Variants in CHST9 observed in about 807,000 individuals in gnomAD.
CHST9 encodes GalNAc-4-sulfotransferase 2.
CHST9 carries 41 observed loss-of-function variants against 44.4 expected under a neutral mutation model. The observed-to-expected ratio is 0.92, with a 90% confidence interval of 0.72 to 1.20. The LOEUF (loss-of-function observed/expected upper bound fraction) is 1.20. CHST9 is among the 50% of genes most tolerant of loss of function. The pLI, the probability that CHST9 is intolerant of heterozygous loss-of-function variation, is 0.00. For synonymous variants in CHST9, 171 were observed against 178.4 expected (o/e 0.96, Z 0.33); for missense variants, 504 against 516.5 (o/e 0.98, Z 0.23).
At chr18:26,954,610 A>T (rs1039303866) in intron 4 of CHST9, among the ~76,000 whole-genome samples, 28 of 152,040 alleles carry the variant, frequency 1.8e-4, no homozygotes, top group African/African-American at 6.5e-4. Context: ...TCTTTTGCAC[A>T]TGCTGTTATC....
At chr18:26,984,839 T>C (rs1485976056) in intron 4 of CHST9, among the ~76,000 whole-genome samples, 1 of 151,762 alleles carries the variant, frequency 6.6e-6, no homozygotes, top group East Asian at 1.9e-4. Context: ...GATGAAAAAG[T>C]GAACAATGCC....
chr18:27,169,694 C>G (rs569848396), intron 1 of CHST9, among the ~76,000 whole-genome samples: 1 of 150,260 alleles, frequency 6.7e-6, no homozygotes, highest in South Asian at 2.1e-4. Flanking sequence ...GCAAGCTCCG[C>G]CTCCCAGGTT....
chr18:27,074,819 A>G (rs1400550518), intron 2 of CHST9, among the ~76,000 whole-genome samples: 1 of 147,288 alleles, frequency 6.8e-6, no homozygotes, highest in African/African-American at 2.5e-5. Context: ...ACTTATATAT[A>G]ATTATAAAAT....
intron 4 of CHST9, among the ~76,000 whole-genome samples, chr18:26,972,595 G>T (rs920715626): frequency 2.0e-5 from 3 of 152,056 alleles, no homozygotes; most frequent in Non-Finnish European, 2.9e-5. Flanking sequence ...GAGGCCTTGG[G>T]GATTCCACCT....
intron 5 of CHST9, among the ~76,000 whole-genome samples, chr18:26,925,630 T>C (rs914202721): frequency 3.2e-4 from 49 of 152,352 alleles, no homozygotes; most frequent in African/African-American, 1.2e-3. Flanking sequence ...TGGTTATGTG[T>C]CTTCTTCTAT....
At position 27,041,038 on chromosome 18, in the gene CHST9, G is replaced by A. The variant is rs556801010; in HGVS notation, c.160+7427C>T. ...CATGTCACATAAGAGTGTAGTTACT[G>A]TCATTATTATATTGACTGATACAGA... On this transcript the variant is annotated intron_variant, in intron 3 of 5. Transcript: ENST00000618847. Among the ~76,000 whole-genome samples the A allele has an allele frequency of 4.6e-5, 7 of 152,170 alleles. No individual in the cohort carries two copies. The East Asian group carries it at 1.4e-3, about 29-fold the overall frequency.
chr18:27,145,003 A>C (rs1352094850), intron 1 of CHST9, among the ~76,000 whole-genome samples: 1 of 152,118 alleles, frequency 6.6e-6, no homozygotes, highest in Non-Finnish European at 1.5e-5. Flanking sequence ...TACAAAATAA[A>C]AAACCAGTTC....
intron 2 of CHST9, among the ~76,000 whole-genome samples, chr18:27,130,702 G>C (rs1011598682): frequency 6.6e-6 from 1 of 152,126 alleles, no homozygotes; most frequent in African/African-American, 2.4e-5. Context: ...ACTTTAATGT[G>C]CATCAGTTGG....
intron 4 of CHST9, among the ~76,000 whole-genome samples, chr18:27,019,277 A>G (rs2057191916): frequency 6.6e-6 from 1 of 152,218 alleles, no homozygotes; most frequent in African/African-American, 2.4e-5. Context: ...CTCTAGCTTT[A>G]AAATCACACG....
intron 2 of CHST9, among the ~76,000 whole-genome samples, chr18:27,088,041 G>A (rs1262965176): frequency 6.6e-6 from 1 of 152,140 alleles, no homozygotes; most frequent in Non-Finnish European, 1.5e-5. Context: ...ACCTATTTGT[G>A]TTCTGTAAGT....
At chr18:27,175,829 G>A (rs558318881) in intron 1 of CHST9, among the ~76,000 whole-genome samples, 5 of 151,948 alleles carry the variant, frequency 3.3e-5, no homozygotes, top group African/African-American at 9.7e-5. Context: ...CTATCTTAGC[G>A]GTTAATTAAA....
intron 5 of CHST9, chr18:26,936,729 G>A (rs990111527): frequency 6.6e-6 from 1 of 152,082 alleles, no homozygotes; most frequent in East Asian, 1.9e-4. Flanking sequence ...AGCAGAGAAG[G>A]TTATGATTTG....
chr18:27,058,856 T>A (rs185554576), intron 2 of CHST9, among the ~76,000 whole-genome samples: 27 of 152,330 alleles, frequency 1.8e-4, no homozygotes, highest in African/African-American at 6.5e-4. Flanking sequence ...TTTTATATCA[T>A]TAGGTTTTGT....
At chr18:26,925,200 G>C (rs2055742486) in intron 5 of CHST9, among the ~76,000 whole-genome samples, 1 of 152,110 alleles carries the variant, frequency 6.6e-6, no homozygotes, top group Non-Finnish European at 1.5e-5. Context: ...GAGGGTATCT[G>C]GGAGAAACTA....
intron 4 of CHST9, among the ~76,000 whole-genome samples, chr18:26,975,957 TC>T (rs1350174591): frequency 6.6e-6 from 1 of 150,688 alleles, no homozygotes; most frequent in African/African-American, 2.4e-5. Context: ...GCAGGAGGTG[TC>T]CCCCACCACA....
intron 4 of CHST9, among the ~76,000 whole-genome samples, chr18:26,995,395 G>T (rs1265095015): frequency 6.9e-6 from 1 of 145,630 alleles, no homozygotes; most frequent in African/African-American, 2.6e-5. Context: ...CCAAGATCGC[G>T]CCACTACACT....
chr18:26,940,023 T>C (rs1438058495), intron 5 of CHST9, among the ~76,000 whole-genome samples: 1 of 152,172 alleles, frequency 6.6e-6, no homozygotes, highest in Admixed American at 6.5e-5. Context: ...CAGGGGCTAC[T>C]GGGTGGCTAT....
Position 27,047,408 on chromosome 18 carries a change from G to A in CHST9, c.160+1057C>T, listed in dbSNP as rs2057515034. On this transcript the variant is annotated intron_variant, in intron 3 of 5. Coordinates refer to ENST00000618847, the MANE Select transcript of CHST9 (RefSeq NM_031422.6). Reference sequence around the variant, plus strand: ...CATAATTGTGTGTGTGTGTGTGTGTGTGTGTGTGTGTGTTCATGATCAGGC... The same window carrying A: ...CATAATTGTGTGTGTGTGTGTGTGTATGTGTGTGTGTGTTCATGATCAGGC... 3.3e-5 allele frequency among the ~76,000 whole-genome samples: 5 copies of A among 151,804 alleles called. No individual in the cohort carries two copies. The South Asian group carries it at 1.0e-3, about 32-fold the overall frequency.
At chr18:27,117,171 G>T (rs1176573129) in intron 2 of CHST9, among the ~76,000 whole-genome samples, 1 of 151,914 alleles carries the variant, frequency 6.6e-6, no homozygotes, top group African/African-American at 2.4e-5. Context: ...AAATTACTTG[G>T]ATATTTATGA....
Sources: allele counts gnomAD v4.1 joint callset (sites outside exome capture counted in the v4.1 genomes callset), GRCh38; gene constraint gnomAD v4.1.1; transcripts MANE v1.5; gene names NCBI Gene and HGNC (gene_info 2026-07-23, HGNC 2026-07-21).